GPC6: variants seen among roughly 807,000 people sequenced by gnomAD.
GPC6 encodes the protein glypican 6.
A neutral mutation model predicts 55.2 loss-of-function variants in GPC6; 14 were observed. The observed-to-expected ratio is 0.25, with a 90% CI of 0.17 to 0.40. GPC6 has a LOEUF of 0.40. Among genes scored for constraint, GPC6 ranks in the 10% least tolerant of loss-of-function variants. The pLI is 1.00. For synonymous variants in GPC6, 278 were observed against 259.6 expected (o/e 1.07, Z -0.68); for missense variants, 641 against 708.5 (o/e 0.90, Z 1.08).
intron 6 of GPC6, among the ~76,000 whole-genome samples, chr13:94,370,042 C>G (rs1234585568): frequency 6.6e-6 from 1 of 152,212 alleles, no homozygotes; most frequent in Non-Finnish European, 1.5e-5. Context: ...CAGTTATTCC[C>G]TGGGAGCCAA....
intron 3 of GPC6, among the ~76,000 whole-genome samples, chr13:93,885,009 G>A (rs1875236774): frequency 6.6e-6 from 1 of 152,032 alleles, no homozygotes; most frequent in South Asian, 2.1e-4. Context: ...AAAGGGAAGT[G>A]GGTTAATGAA....
chr13:93,693,909 CCTT>C (rs1882352917), intron 2 of GPC6, among the ~76,000 whole-genome samples: 1 of 152,152 alleles, frequency 6.6e-6, no homozygotes, highest in Non-Finnish European at 1.5e-5. Flanking sequence ...TTCATGCCCA[CCTT>C]CTATAGATTT....
At chr13:93,469,485 A>G (rs996172850) in intron 1 of GPC6, among the ~76,000 whole-genome samples, 3 of 152,122 alleles carry the variant, frequency 2.0e-5, no homozygotes, top group Non-Finnish European at 4.4e-5. Context: ...AAACTCTTCA[A>G]TTTTATAAAG....
intron 4 of GPC6, among the ~76,000 whole-genome samples, chr13:94,065,316 A>T (rs1271287392): frequency 6.6e-6 from 1 of 152,212 alleles, no homozygotes; most frequent in Non-Finnish European, 1.5e-5. Context: ...GTTAAAAATG[A>T]ATGCTAGGCA....
chr13:93,557,984 A>G (rs1566423072), intron 2 of GPC6, among the ~76,000 whole-genome samples: 2 of 152,016 alleles, frequency 1.3e-5, no homozygotes, highest in Non-Finnish European at 2.9e-5. Flanking sequence ...ATAGTTGGGG[A>G]AGGGTCTTTA....
At chr13:93,498,855 T>C (rs1048138843) in intron 1 of GPC6, among the ~76,000 whole-genome samples, 1 of 152,226 alleles carries the variant, frequency 6.6e-6, no homozygotes, top group Non-Finnish European at 1.5e-5. Context: ...CCAGAGACTT[T>C]TTCTCAAAAT....
chr13:93,690,934 G>T (rs1438787950), intron 2 of GPC6, among the ~76,000 whole-genome samples: 4 of 151,668 alleles, frequency 2.6e-5, no homozygotes, highest in East Asian at 1.9e-4. Flanking sequence ...TCATTTAGTT[G>T]TTCCCTAGCC....
At chr13:94,365,808 T>C (rs979399282) in intron 6 of GPC6, among the ~76,000 whole-genome samples, 5 of 152,220 alleles carry the variant, frequency 3.3e-5, no homozygotes, top group African/African-American at 1.2e-4. Context: ...GAGCAAAAGG[T>C]GTTTCTTGTT....
intron 4 of GPC6, among the ~76,000 whole-genome samples, chr13:94,118,320 C>A (rs12859264): frequency 0.31 from 46,696 of 151,902 alleles, 8,459 homozygotes; most frequent in Middle Eastern, 0.41. Flanking sequence ...TCTCCTGCTG[C>A]CATATGAAAA....
rs1190519137 is a variant in GPC6 at position 93,764,965 on chromosome 13, A to G, written c.320-65189A>G. ...CAGGCGCGTGCCACCACGTCCAGCT[A>G]ATTTTTTGTATTTTTAGTAGAGACA... On this transcript the variant is annotated intron_variant, in intron 2 of 8. Coordinates refer to ENST00000377047, the MANE Select transcript of GPC6 (RefSeq NM_005708.5). Among the ~76,000 whole-genome samples, 4 of 151,984 alleles carry G rather than the reference A, an allele frequency of 2.6e-5. No homozygotes were observed. In the East Asian group the frequency reaches 5.8e-4, roughly 22 times the overall value.
chr13:93,918,870 G>A (rs1353171132), intron 3 of GPC6, among the ~76,000 whole-genome samples: 2 of 152,172 alleles, frequency 1.3e-5, no homozygotes, highest in Non-Finnish European at 2.9e-5. Flanking sequence ...GTAAAAGAAA[G>A]TGTCTGTCTT....
intron 1 of GPC6, among the ~76,000 whole-genome samples, chr13:93,393,094 AAT>A (rs1875691224): frequency 1.4e-5 from 2 of 142,058 alleles, no homozygotes; most frequent in South Asian, 4.4e-4. Flanking sequence ...TATAGAGAAA[AAT>A]ATGTATATTT....
intron 6 of GPC6, among the ~76,000 whole-genome samples, chr13:94,361,824 G>A (rs1879072309): frequency 6.6e-6 from 1 of 152,182 alleles, no homozygotes; most frequent in Non-Finnish European, 1.5e-5. Context: ...AATCACTTGG[G>A]AAAGGTGGTT....
At chr13:93,477,922 A>G (rs1202501661) in intron 1 of GPC6, among the ~76,000 whole-genome samples, 2 of 152,184 alleles carry the variant, frequency 1.3e-5, no homozygotes, top group African/African-American at 4.8e-5. Flanking sequence ...AGTACCGTAT[A>G]TGAGCTGCTT....
intron 3 of GPC6, among the ~76,000 whole-genome samples, chr13:93,927,062 C>G (rs187709591): frequency 6.6e-6 from 1 of 152,122 alleles, no homozygotes; most frequent in African/African-American, 2.4e-5. Context: ...AATATTCTGT[C>G]CACAGCCTGT....
At chr13:93,953,177 ACTTTT>A (rs889578104) in intron 3 of GPC6, among the ~76,000 whole-genome samples, 6 of 151,660 alleles carry the variant, frequency 4.0e-5, no homozygotes, top group African/African-American at 1.5e-4. Context: ...AGGTGTCTTC[ACTTTT>A]CTTTTCTTCC....
intron 3 of GPC6, among the ~76,000 whole-genome samples, chr13:93,867,647 G>A (rs1333552521): frequency 6.6e-6 from 1 of 151,652 alleles, no homozygotes; most frequent in African/African-American, 2.4e-5. Context: ...ATCTATTACA[G>A]CCTTGACCGC....
chr13:93,248,429 C>T (rs1594051600), intron 1 of GPC6, among the ~76,000 whole-genome samples: 2 of 143,062 alleles, frequency 1.4e-5, no homozygotes, highest in South Asian at 2.2e-4. Flanking sequence ...AAAAGGCCCA[C>T]AAAAAGTGTT....
intron 1 of GPC6, among the ~76,000 whole-genome samples, chr13:93,233,905 C>T (rs1162649415): frequency 6.6e-6 from 1 of 152,148 alleles, no homozygotes; most frequent in Non-Finnish European, 1.5e-5. Flanking sequence ...TAAGTTGTTC[C>T]CTTTTTCACA....
Sources: gnomAD v4.1 joint callset for allele counts (sites outside exome capture counted in the v4.1 genomes callset) on GRCh38, gnomAD v4.1.1 for gene constraint, MANE v1.5 for transcripts, NCBI Gene and HGNC (gene_info 2026-07-23, HGNC 2026-07-21) for gene names.